BICDL1: variants seen among roughly 807,000 people sequenced by gnomAD.
BICDL1 encodes BICD family-like cargo adapter 1.
In BICDL1, 20 loss-of-function variants were observed where a neutral mutation model predicts 76.8. The ratio of observed to expected loss-of-function variants is 0.26; its 90% CI spans 0.18 to 0.38. BICDL1 has a LOEUF of 0.38. BICDL1 is among the 10% of genes least tolerant of loss of function. BICDL1 has a pLI of 1.00. For synonymous variants in BICDL1, 383 were observed against 337.1 expected (o/e 1.14, Z -1.49); for missense variants, 700 against 798.6 (o/e 0.88, Z 1.49).
chr12:120,013,429 C>T (rs1405330472), intron 2 of BICDL1, among the ~76,000 whole-genome samples: 1 of 143,752 alleles, frequency 7.0e-6, no homozygotes, highest in Non-Finnish European at 1.5e-5. Context: ...GGGACTATGT[C>T]TTTAACCAGA....
At chr12:120,085,132 G>A (rs1331618594) in intron 8 of BICDL1, among the ~76,000 whole-genome samples, 1 of 152,044 alleles carries the variant, frequency 6.6e-6, no homozygotes, top group Non-Finnish European at 1.5e-5. Context: ...ACTATATTTA[G>A]TTAATGGATA....
intron 2 of BICDL1, among the ~76,000 whole-genome samples, chr12:120,053,136 A>G (rs991316545): frequency 6.6e-6 from 1 of 151,728 alleles, no homozygotes; most frequent in African/African-American, 2.4e-5. Context: ...CTAGAGTGCA[A>G]TGGCGCAATC....
intron 8 of BICDL1, among the ~76,000 whole-genome samples, chr12:120,088,026 T>A (rs1415081984): frequency 1.3e-5 from 2 of 152,108 alleles, no homozygotes; most frequent in African/African-American, 4.8e-5. Flanking sequence ...GCCTCCTGGA[T>A]TCAAGTGATC....
At position 119,990,072 on chromosome 12, in the gene BICDL1, G is replaced by A. The variant is rs1951483034; in HGVS notation, c.204G>A (p.Arg68=). 78 of 1,536,368 alleles carry A rather than the reference G, an allele frequency of 5.1e-5. No homozygotes were observed. Among genetic ancestry groups the A allele is most frequent in the Non-Finnish European group, 6.8e-5 (78 of 1,142,926 alleles). The stretch of plus-strand genomic sequence containing the variant: ...TGGCGCTGCTGGCGGCCGGGGAGCG[G>A]CCGTCCGACCCCGGGGAACACCCTC... The part of the protein sequence containing the change: ...EELALLAAGE[R]PSDPGEHPQA... The change falls in exon 1 of 10, where the codon CGG becomes CGA. Residue 68 remains arginine, a synonymous_variant. Transcript: ENST00000548673.
At chr12:120,005,492 G>C (rs1427329401) in intron 2 of BICDL1, among the ~76,000 whole-genome samples, 8 of 152,088 alleles carry the variant, frequency 5.3e-5, no homozygotes, top group Admixed American at 5.2e-4. Context: ...TTGTGTCTCA[G>C]CCTCCCAAGT....
intron 4 of BICDL1, among the ~76,000 whole-genome samples, chr12:120,065,527 A>T (rs577674503): frequency 2.6e-5 from 4 of 152,322 alleles, no homozygotes; most frequent in Admixed American, 2.6e-4. Flanking sequence ...CCCAAAACAA[A>T]AAGATATCAT....
chr12:120,014,488 T>G (rs1274255827), intron 2 of BICDL1, among the ~76,000 whole-genome samples: 4 of 151,970 alleles, frequency 2.6e-5, no homozygotes, highest in African/African-American at 9.7e-5. Flanking sequence ...AGTCAGGAGA[T>G]CGAGACCATC....
intron 1 of BICDL1, among the ~76,000 whole-genome samples, chr12:119,993,736 A>C (rs903643349): frequency 1.3e-5 from 2 of 151,556 alleles, no homozygotes; most frequent in African/African-American, 4.9e-5. Context: ...CTCCTGCCTC[A>C]GCCTTCCGAG....
chr12:120,009,607 A>G (rs2138659876), intron 2 of BICDL1, among the ~76,000 whole-genome samples: 1 of 152,282 alleles, frequency 6.6e-6, no homozygotes, highest in African/African-American at 2.4e-5. Context: ...AGTTTAAATG[A>G]GCTGCCCTTG....
At chr12:120,008,832 A>T (rs188299118) in intron 2 of BICDL1, among the ~76,000 whole-genome samples, 1 of 152,196 alleles carries the variant, frequency 6.6e-6, no homozygotes, top group South Asian at 2.1e-4. Flanking sequence ...GGCCTTTTAC[A>T]TAGGAGCTCT....
At chr12:120,069,295 G>C (rs1266792835) in intron 4 of BICDL1, among the ~76,000 whole-genome samples, 3 of 152,180 alleles carry the variant, frequency 2.0e-5, no homozygotes, top group Non-Finnish European at 2.9e-5. Context: ...AGAACAAACA[G>C]GTGAACGTGC....
At position 120,074,509 on chromosome 12, in the gene BICDL1, G is replaced by A. The variant is rs1218532041; in HGVS notation, c.1375G>A (p.Ala459Thr). Residue 459 changes from alanine to threonine, a missense_variant, in exon 7 of 10, where the codon GCC (alanine) becomes ACC (threonine). By Grantham distance (58) the Ala-to-Thr change is moderately conservative. This residue lies in a region of BICDL1 where 455 missense variants were observed against 548.7 expected (regional missense o/e 0.83). Transcript: ENST00000548673. ...AAGGCAGACCAGTGAGGACTCGAGA[G>A]CCCTAAGGGAGCTCATGGAGGGAGA... is the stretch of plus-strand genomic sequence containing the variant. Reference protein sequence around the residue: ...QIRQTSEDSRALRELMEGERG... With the variant: ...QIRQTSEDSRTLRELMEGERG... The A allele has an allele frequency of 4.7e-6, 6 of 1,281,922 alleles. No individual in the cohort carries two copies. The highest frequency in any genetic ancestry group is 6.1e-6 in the Non-Finnish European group (6 of 985,122). 79.4% of individuals were successfully genotyped at this position (1,281,922 alleles called of 1,614,324 possible).
chr12:120,067,900 AGAAGTTCCC>A (rs1872771654), intron 4 of BICDL1, among the ~76,000 whole-genome samples: 6 of 152,340 alleles, frequency 3.9e-5, no homozygotes, highest in Non-Finnish European at 7.4e-5. Flanking sequence ...CTGGGGTTGG[AGAAGTTCCC>A]ACTGGACCAG....
chr12:120,076,301 G>GA, intron 7 of BICDL1, among the ~76,000 whole-genome samples: 1 of 152,136 alleles, frequency 6.6e-6, no homozygotes, highest in Non-Finnish European at 1.5e-5. Flanking sequence ...TTCTAAACTG[G>GA]AAAAATAAAA....
At chr12:120,081,138 G>A (rs1409338956) in intron 8 of BICDL1, 121 bp downstream of exon 8, 8 of 1,006,158 alleles carry the variant, frequency 8.0e-6, no homozygotes, top group Admixed American at 2.3e-5. Flanking sequence ...TAGTTTCCCC[G>A]CTACCCACCC....
At chr12:120,088,380 G>A (rs1350131181) in intron 8 of BICDL1, among the ~76,000 whole-genome samples, 2 of 151,876 alleles carry the variant, frequency 1.3e-5, no homozygotes, top group Admixed American at 6.6e-5. Flanking sequence ...TTTTTGAGAC[G>A]GAGTCTTGCT....
intron 2 of BICDL1, among the ~76,000 whole-genome samples, chr12:120,051,395 C>T (rs537593038): frequency 6.6e-6 from 1 of 152,258 alleles, no homozygotes; most frequent in Admixed American, 6.5e-5. Flanking sequence ...GCAGCGTTGT[C>T]TTATAGTCTA....
rs756610038 is a variant in BICDL1 at position 120,072,636 on chromosome 12, G to A, written c.1215G>A (p.Ser405=). The stretch of plus-strand genomic sequence containing the variant: ...CCATGGACGAGTCTTCAGAAACCTC[G>A]TCCGCCAAGGATGTGCCAGCCGGCA... ...DSSMDESSET[S]SAKDVPAGSL... is the part of the protein sequence containing the mutation. Residue 405 remains serine, a synonymous_variant, in exon 6 of 10, where the codon TCG becomes TCA. Transcript: ENST00000548673. 13 of 1,614,054 alleles carry A rather than the reference G, an allele frequency of 8.1e-6. No homozygotes were observed. In the Admixed American group the frequency reaches 8.3e-5, roughly 10 times the overall value.
chr12:120,091,696 A>C, intron 9 of BICDL1: 1 of 985,288 alleles, frequency 1.0e-6, no homozygotes, highest in Non-Finnish European at 1.2e-6. Flanking sequence ...AGAGCGCGTG[A>C]GGGGTCCACA....
Sources: allele counts gnomAD v4.1 joint callset (sites outside exome capture counted in the v4.1 genomes callset), GRCh38; gene constraint gnomAD v4.1.1; regional missense constraint gnomAD v4.1.1; transcripts MANE v1.5; gene names NCBI Gene and HGNC (gene_info 2026-07-23, HGNC 2026-07-21).